Variants in SLC25A35 observed in about 807,000 individuals in gnomAD.
SLC25A35 encodes the protein solute carrier family 25, member 35.
Under a neutral mutation model 30.5 loss-of-function variants are expected in SLC25A35, and 32 were observed. The ratio of observed to expected loss-of-function variants is 1.05; its 90% CI spans 0.79 to 1.41. The LOEUF (loss-of-function observed/expected upper bound fraction) is 1.41. Among genes scored for constraint, SLC25A35 ranks in the 40% most tolerant of loss-of-function variants. SLC25A35 has a pLI of 0.00. For synonymous variants in SLC25A35, 142 were observed against 158.1 expected, an observed-to-expected ratio of 0.90 and a Z score of 0.77; for missense variants, 369 against 388.0, an observed-to-expected ratio of 0.95 and a Z score of 0.41.
downstream of SLC25A35, chr17:8,288,083 G>A (rs1424201524): frequency 6.5e-6 from 1 of 153,300 alleles, no homozygotes; most frequent in Non-Finnish European, 1.5e-5. Context: ...CCCCTTTGAC[G>A]AGCACCTGCC....
In SLC25A35 at chr17:8,295,365, A is replaced by G; in HGVS notation, c.-558T>C. On this transcript the variant is annotated 5_prime_UTR_variant, in exon 1 of 5. Transcript: ENST00000577745. ...GCTCGCAGTAGCTTCAACCCCGGGT[A>G]GCCTGCGGAGGCCGGGCCGCCACAC... The G allele has an allele frequency of 1.0e-6, 1 of 985,672 alleles. No homozygotes were observed. The highest frequency in any genetic ancestry group is 1.2e-6 in the Non-Finnish European group (1 of 830,184). 61.1% of individuals were successfully genotyped at this position (985,672 alleles called of 1,614,324 possible). A position where few individuals can be genotyped will look rare whatever the true frequency, so the allele number is the denominator to read the frequency against.
downstream of SLC25A35, chr17:8,288,842 C>T: frequency 6.2e-7 from 1 of 1,614,234 alleles, no homozygotes; most frequent in South Asian, 1.1e-5. Flanking sequence ...CCGCCATCCT[C>T]CCCATGGGGG....
At position 8,290,302 on chromosome 17, in the gene SLC25A35, T is replaced by C; in HGVS notation, c.*203A>G. ...GGGTGTGAGTTACCCAGGGAATGGG[T>C]AGGGAAGGTTTAAAGCAACACCCAA... is the stretch of plus-strand genomic sequence containing the variant. On this transcript the variant is annotated 3_prime_UTR_variant, in exon 5 of 5. Transcript: ENST00000577745. 1 of 1,428,172 alleles carries C rather than the reference T, an allele frequency of 7.0e-7. No homozygotes were observed. Among genetic ancestry groups the C allele is most frequent in the Non-Finnish European group, 9.1e-7 (1 of 1,096,488 alleles). 88.5% of individuals were successfully genotyped at this position (1,428,172 alleles called of 1,614,324 possible). A position where few individuals can be genotyped will look rare whatever the true frequency, so the allele number is the denominator to read the frequency against.
At chr17:8,292,712 ATTG>A (rs2151619357) in intron 1 of SLC25A35, 124 bp from the exon 2 acceptor site, 2 of 811,280 alleles carry the variant, frequency 2.5e-6, no homozygotes, top group Non-Finnish European at 4.2e-6. Flanking sequence ...TACTCTGATT[ATTG>A]TTCTTCCTAC....
intron 3 of SLC25A35, 105 bp from the exon 4 acceptor site, chr17:8,291,081 T>G (rs760220774): frequency 5.1e-5 from 75 of 1,474,282 alleles, no homozygotes; most frequent in Non-Finnish European, 6.7e-5. Context: ...CTGGGGGAGC[T>G]TCCACTGCAC....
Position 8,295,146 on chromosome 17 carries a change from G to T in SLC25A35, c.-339C>A. On this transcript the variant is annotated 5_prime_UTR_variant, in exon 1 of 5. Transcript: ENST00000577745. Reference sequence around the variant, plus strand: ...GGCGGGCGACGGGAGCACGGGAGTAGAGGAGGGAATCGCGGGGTTGGGAGA... The same window carrying T: ...GGCGGGCGACGGGAGCACGGGAGTATAGGAGGGAATCGCGGGGTTGGGAGA... 1 of 1,057,722 alleles carries T rather than the reference G, an allele frequency of 9.5e-7. No homozygotes were observed. The highest frequency in any genetic ancestry group is 1.1e-6 in the Non-Finnish European group (1 of 876,720). The allele number at this position is 1,057,722 out of a possible 1,614,324, so 65.5% of individuals were successfully genotyped here. A position where few individuals can be genotyped will look rare whatever the true frequency, so the allele number is the denominator to read the frequency against.
rs1990393098 is a variant in SLC25A35, at chr17:8,290,423, T to A, written c.*82A>T. ...CCCCATGGATGGATGAAAGGTCACC[T>A]AATCAGTAGTCACCAGGACATAGTG... On this transcript the variant is annotated 3_prime_UTR_variant, in exon 5 of 5. Coordinates refer to ENST00000577745, the MANE Select transcript of SLC25A35 (RefSeq NM_001320870.2). 1 of 1,492,572 alleles carries A rather than the reference T, an allele frequency of 6.7e-7. No individual in the cohort carries two copies. The highest frequency in any genetic ancestry group is 1.4e-5 in the African/African-American group (1 of 72,170). The allele number at this position is 1,492,572 out of a possible 1,614,324, so 92.5% of individuals were successfully genotyped here. A position where few individuals can be genotyped will look rare whatever the true frequency, so the allele number is the denominator to read the frequency against.
At position 8,291,189 on chromosome 17, in the gene SLC25A35, G is replaced by A. The variant is rs184278126; in HGVS notation, c.594+144C>T. 3.6e-4 allele frequency: 482 copies of A among 1,337,584 alleles called. 2 individuals carry two copies. In the East Asian group the frequency reaches 0.01, roughly 28 times the overall value. The allele number at this position is 1,337,584 out of a possible 1,614,324, so 82.9% of individuals were successfully genotyped here. ...GGAGGAAGTGACAAGAGAACTGTGG[G>A]AAGGGTCTAAAGAGTTGACCTCCAA... On this transcript the variant is annotated intron_variant, in intron 3 of 4. Coordinates refer to ENST00000577745, the MANE Select transcript of SLC25A35 (RefSeq NM_001320870.2).
chr17:8,292,134 A>G (rs1216554997), intron 2 of SLC25A35, among the ~76,000 whole-genome samples: 1 of 152,310 alleles, frequency 6.6e-6, no homozygotes, highest in East Asian at 1.9e-4. Flanking sequence ...GTGAGCCAAG[A>G]CTGCGCCACT....
Position 8,290,271 on chromosome 17 carries a change from A to C in SLC25A35, c.*234T>G. 7.0e-7 allele frequency: 1 copy of C among 1,426,638 alleles called. No individual in the cohort carries two copies. The highest frequency in any genetic ancestry group is 1.5e-5 in the South Asian group (1 of 64,978). The allele number at this position is 1,426,638 out of a possible 1,614,324, so 88.4% of individuals were successfully genotyped here. A position where few individuals can be genotyped will look rare whatever the true frequency, so the allele number is the denominator to read the frequency against. ...CTTTGGGATGACTCGTTCAGCCCTG[A>C]GAGAGGGGTGTGAGTTACCCAGGGA... On this transcript the variant is annotated 3_prime_UTR_variant, in exon 5 of 5. Transcript: ENST00000577745.
chr17:8,290,560 AG>A lies in SLC25A35; in HGVS notation c.847del (p.Leu283SerfsTer45), dbSNP rs1489174703. On this transcript the variant is annotated frameshift_variant, in exon 5 of 5. Transcript: ENST00000577745. LOFTEE classifies it high-confidence loss of function. ...CAGCTGGTCCCAGAAGAAGAGGGAG[AG>A]GATGGTGTGGGGGCCGAGGCGGAAG... ...SYFRLGPHTI[L>X]SLFFWDQLRS... 1.3e-6 allele frequency: 2 copies of A among 1,535,896 alleles called. No homozygotes were observed. The highest frequency in any genetic ancestry group is 2.7e-5 in the African/African-American group (2 of 72,940).
chr17:8,293,034 C>G (rs951589480), intron 1 of SLC25A35, among the ~76,000 whole-genome samples: 1 of 152,198 alleles, frequency 6.6e-6, no homozygotes, highest in Admixed American at 6.5e-5. Context: ...AGGTATCGAG[C>G]TGACTTTGGG....
At chr17:8,289,082 T>C (rs375282172), downstream of SLC25A35, 21 of 1,612,970 alleles carry the variant, frequency 1.3e-5, no homozygotes, top group African/African-American at 2.5e-4. Flanking sequence ...GGTGAGGGAA[T>C]GGCCCCCGGC....
chr17:8,289,709 G>A, downstream of SLC25A35: 1 of 1,613,292 alleles, frequency 6.2e-7, no homozygotes. Context: ...TGGGCCAGAG[G>A]TTTGGGGTAA....
intron 2 of SLC25A35, among the ~76,000 whole-genome samples, chr17:8,291,936 C>T (rs1241832796): frequency 6.6e-6 from 1 of 152,176 alleles, no homozygotes; most frequent in Admixed American, 6.5e-5. Flanking sequence ...GTAATCCCAG[C>T]ACTTTGGGAG....
At chr17:8,291,506 G>T (rs777688883) in intron 2 of SLC25A35, 21 bp from the exon 3 acceptor site, 2 of 1,596,592 alleles carry the variant, frequency 1.3e-6, no homozygotes, top group South Asian at 2.2e-5. Context: ...GAAGACCGGG[G>T]GTGGGGTTCA....
chr17:8,290,533 C>T lies in SLC25A35; in HGVS notation c.875G>A (p.Arg292His), dbSNP rs749965855. ...TTTAGTGTCTGTGTAGTAGAGGGAG[C>T]GCAGCTGGTCCCAGAAGAAGAGGGA... ...ILSLFFWDQL[R>H]SLYYTDTK Residue 292 changes from arginine to histidine, a missense_variant, in exon 5 of 5, where the codon CGC becomes CAC. Arg to His is a conservative substitution (Grantham distance 29, BLOSUM62 0). Transcript: ENST00000577745. The T allele has an allele frequency of 1.5e-5, 23 of 1,535,848 alleles. No homozygotes were observed. The highest frequency in any genetic ancestry group is 1.5e-4 in the East Asian group (6 of 40,922).
chr17:8,291,528 A>G, intron 2 of SLC25A35, 43 bp from the exon 3 acceptor site: 1 of 1,562,248 alleles, frequency 6.4e-7, no homozygotes, highest in Non-Finnish European at 8.7e-7. Context: ...ACAGCCCAGC[A>G]TCAGGGGCTG....
intron 2 of SLC25A35, among the ~76,000 whole-genome samples, chr17:8,291,723 C>G (rs888698332): frequency 9.2e-5 from 14 of 152,154 alleles, no homozygotes; most frequent in African/African-American, 3.1e-4. Context: ...TCAGGAGAAA[C>G]AGGGGCAGAA....
Sources: gnomAD v4.1 joint callset for allele counts (sites outside exome capture counted in the v4.1 genomes callset) on GRCh38, gnomAD v4.1.1 for gene constraint, MANE v1.5 for transcripts, NCBI Gene and HGNC (gene_info 2026-07-23, HGNC 2026-07-21) for gene names.